Variants in HACD3 observed in about 807,000 individuals in gnomAD.
HACD3 encodes the protein 3-hydroxyacyl-CoA dehydratase 3, also known as very-long-chain (3R)-3-hydroxyacyl-CoA dehydratase 3.
A neutral mutation model predicts 55.2 loss-of-function variants in HACD3; 30 were observed. The observed-to-expected ratio is 0.54, with a 90% CI of 0.41 to 0.74. The LOEUF is 0.74. Ranked by LOEUF, HACD3 falls within the 30% of genes least tolerant of loss-of-function variation. The pLI, the probability that HACD3 is intolerant of heterozygous loss-of-function variation, is 0.00. For missense variants in HACD3, 363 were observed against 440.1 expected (o/e 0.82, Z 1.57); for synonymous variants, 141 against 151.7 (o/e 0.93, Z 0.52).
In HACD3 at chr15:65,575,255, T is replaced by C. The variant is rs192135556; in HGVS notation, c.1013-1048T>C. 7.9e-5 allele frequency among the ~76,000 whole-genome samples: 12 copies of C among 151,904 alleles called. 1 individual carries two copies. Among genetic ancestry groups the C allele is most frequent in the African/African-American group, 2.9e-4 (12 of 41,370 alleles). On this transcript the variant is annotated intron_variant, in intron 10 of 10. Coordinates refer to ENST00000261875, the MANE Select transcript of HACD3 (RefSeq NM_016395.4). ...CAGGCTGGAGTGCAGTGGCACGATC[T>C]TGGCTCACTGCAACCTCCACCTCCT...
intron 1 of HACD3, among the ~76,000 whole-genome samples, chr15:65,543,152 T>C (rs2072039365): frequency 6.6e-6 from 1 of 151,958 alleles, no homozygotes. Flanking sequence ...TGTATCAAAT[T>C]GATGACAAAA....
chr15:65,537,165 G>T (rs1382379889), intron 1 of HACD3, among the ~76,000 whole-genome samples: 2 of 152,198 alleles, frequency 1.3e-5, no homozygotes, highest in Non-Finnish European at 2.9e-5. Context: ...GCTAGCAGAA[G>T]TTGATTCATG....
intron 1 of HACD3, among the ~76,000 whole-genome samples, chr15:65,550,586 A>G (rs1567334592): frequency 6.6e-6 from 1 of 152,224 alleles, no homozygotes; most frequent in Admixed American, 6.5e-5. Context: ...TAAATAAATA[A>G]TTGCAGTTAA....
At chr15:65,556,682 T>TG in intron 3 of HACD3, 57 bp from the exon 4 acceptor site, 7 of 1,513,158 alleles carry the variant, frequency 4.6e-6, no homozygotes, top group Non-Finnish European at 6.3e-6. Flanking sequence ...GCCCCTGGCA[T>TG]GGTGCTGCTT....
intron 1 of HACD3, among the ~76,000 whole-genome samples, chr15:65,538,334 G>A (rs544605409): frequency 2.6e-5 from 4 of 152,060 alleles, no homozygotes; most frequent in Admixed American, 6.6e-5. Flanking sequence ...CAGGAGTTTC[G>A]AAGAAGTGGA....
intron 2 of HACD3, 65 bp from the exon 3 acceptor site, chr15:65,554,822 A>G: frequency 8.6e-7 from 1 of 1,161,526 alleles, no homozygotes; most frequent in Non-Finnish European, 1.3e-6. Flanking sequence ...GAACTGCACC[A>G]AGCTGGCTTT....
chr15:65,560,422 TA>T (rs755340647), intron 5 of HACD3, among the ~76,000 whole-genome samples: 7 of 152,192 alleles, frequency 4.6e-5, no homozygotes, highest in Non-Finnish European at 1.0e-4. Flanking sequence ...AGGCTGCAGA[TA>T]AAATTAATGT....
chr15:65,564,109 A>G (rs1158771151), intron 6 of HACD3, 106 bp from the exon 7 acceptor site: 3 of 1,373,536 alleles, frequency 2.2e-6, no homozygotes, highest in Non-Finnish European at 3.1e-6. Context: ...GATGTTTGTT[A>G]TTCCTTTCTT....
At chr15:65,553,939 G>A (rs951460656) in intron 2 of HACD3, among the ~76,000 whole-genome samples, 1 of 152,230 alleles carries the variant, frequency 6.6e-6, no homozygotes, top group African/African-American at 2.4e-5. Flanking sequence ...GCCATGTCAA[G>A]GCATAGGGAT....
At chr15:65,560,594 C>T (rs536127094) in intron 5 of HACD3, among the ~76,000 whole-genome samples, 5 of 151,998 alleles carry the variant, frequency 3.3e-5, no homozygotes, top group African/African-American at 4.8e-5. Flanking sequence ...GCCAGGAGTT[C>T]GAGATCAGAC....
intron 7 of HACD3, among the ~76,000 whole-genome samples, chr15:65,568,648 C>T (rs1244269366): frequency 3.3e-5 from 5 of 151,882 alleles, no homozygotes; most frequent in East Asian, 1.9e-4. Flanking sequence ...CATGAGCCAC[C>T]GCACCCAGCC....
intron 1 of HACD3, among the ~76,000 whole-genome samples, chr15:65,537,550 G>A (rs1183607523): frequency 6.6e-6 from 1 of 151,582 alleles, no homozygotes; most frequent in African/African-American, 2.4e-5. Flanking sequence ...CGGCACTTTG[G>A]GAGGCCGAGG....
chr15:65,553,616 C>T (rs62013110), intron 2 of HACD3, among the ~76,000 whole-genome samples: 1 of 152,114 alleles, frequency 6.6e-6, no homozygotes, highest in South Asian at 2.1e-4. Context: ...GAGTAGTCAC[C>T]ACTCAGCTCA....
chr15:65,568,691 G>C (rs1308499397), intron 7 of HACD3, among the ~76,000 whole-genome samples: 3 of 151,602 alleles, frequency 2.0e-5, no homozygotes, highest in Admixed American at 6.6e-5. Context: ...TTTTAAAATG[G>C]GAAAAAGAAA....
chr15:65,562,895 C>T lies in HACD3; in HGVS notation c.532+11C>T. 6.2e-7 allele frequency: 1 copy of T among 1,613,344 alleles called. No homozygotes were observed. The highest frequency in any genetic ancestry group is 8.5e-7 in the Non-Finnish European group (1 of 1,179,634). On this transcript the variant is annotated intron_variant, in intron 6 of 10. Coordinates refer to ENST00000261875, the MANE Select transcript of HACD3 (RefSeq NM_016395.4). ...GTATCTTGGGAAAAGGCAAGTAAGA[C>T]ATTTTTGGATTAATTTTCCCTTTCT... is the stretch of plus-strand genomic sequence containing the variant.
At chr15:65,555,207 G>A (rs1304451057) in intron 3 of HACD3, among the ~76,000 whole-genome samples, 1 of 152,148 alleles carries the variant, frequency 6.6e-6, no homozygotes, top group Admixed American at 6.5e-5. Context: ...TAACTTCTTC[G>A]AGTTCTGGTG....
intron 2 of HACD3, chr15:65,551,944 GA>G (rs767105130): frequency 0.15 from 50,655 of 332,328 alleles, 2 homozygotes; most frequent in Middle Eastern, 0.19. Flanking sequence ...TACAGTGAAG[GA>G]AAAAAAAAAA....
chr15:65,543,073 T>TAAAAA (rs550281162), intron 1 of HACD3, among the ~76,000 whole-genome samples: 1 of 113,952 alleles, frequency 8.8e-6, no homozygotes, highest in Non-Finnish European at 1.8e-5. Flanking sequence ...TCTGTCTCTC[T>TAAAAA]AAAAAAAAAA....
At chr15:65,570,450 C>T (rs941971087) in intron 8 of HACD3, among the ~76,000 whole-genome samples, 3 of 152,180 alleles carry the variant, frequency 2.0e-5, no homozygotes, top group Non-Finnish European at 4.4e-5. Context: ...AGGGAAGACT[C>T]ATCTTACCAT....
Sources: allele counts gnomAD v4.1 joint callset (sites outside exome capture counted in the v4.1 genomes callset), GRCh38; gene constraint gnomAD v4.1.1; transcripts MANE v1.5; gene names NCBI Gene and HGNC (gene_info 2026-07-23, HGNC 2026-07-21).